The following RFC3 variants were observed in gnomAD, a reference collection of about 807,000 sequenced individuals.
RFC3 encodes replication factor C subunit 3.
RFC3 carries 41 observed loss-of-function variants against 45.1 expected under a neutral mutation model. That is an observed-to-expected ratio of 0.91 (90% CI 0.71 to 1.18). The LOEUF is 1.18. RFC3 is among the 50% of genes most tolerant of loss of function. RFC3 has a pLI of 0.00. For synonymous variants in RFC3, 149 were observed against 144.0 expected, an observed-to-expected ratio of 1.03 and a Z score of -0.25; for missense variants, 423 against 428.1, an observed-to-expected ratio of 0.99 and a Z score of 0.10.
chr13:33,901,016 A>G (rs1396687809), intron 8 of RFC3, among the ~76,000 whole-genome samples: 1 of 151,950 alleles, frequency 6.6e-6, no homozygotes, highest in Non-Finnish European at 1.5e-5. Context: ...TTCAATTAAA[A>G]TGAATTTTAT....
At chr13:33,911,281 CAG>C (rs1164880677) in intron 8 of RFC3, among the ~76,000 whole-genome samples, 1 of 152,016 alleles carries the variant, frequency 6.6e-6, no homozygotes, top group East Asian at 1.9e-4. Flanking sequence ...ATCACCAGTG[CAG>C]AGTCAAGTGG....
At chr13:33,920,449 A>C (rs1481132115) in intron 8 of RFC3, among the ~76,000 whole-genome samples, 78 of 132,156 alleles carry the variant, frequency 5.9e-4, no homozygotes, top group African/African-American at 2.3e-3. Context: ...TTTTTTTGCA[A>C]CAAGGTCCTC....
chr13:33,890,466 G>A (rs754712556), intron 8 of RFC3, among the ~76,000 whole-genome samples: 14 of 152,096 alleles, frequency 9.2e-5, no homozygotes, highest in African/African-American at 2.4e-5. Context: ...CCTCACAATG[G>A]TGATTTGGAT....
the RFC3 span, among the ~76,000 whole-genome samples, chr13:33,973,099 C>T: frequency 1.3e-5 from 2 of 152,112 alleles, no homozygotes; most frequent in Admixed American, 1.3e-4. Flanking sequence ...TCCTTGCTGT[C>T]TCATAAAAGA....
At chr13:33,931,743 C>CTCCT (rs1325997319) in intron 8 of RFC3, among the ~76,000 whole-genome samples, 1 of 151,956 alleles carries the variant, frequency 6.6e-6, no homozygotes, top group Non-Finnish European at 1.5e-5. Flanking sequence ...ATGGAAAGTC[C>CTCCT]TCCTCCCTTT....
At chr13:33,915,997 C>G (rs1047964011) in intron 8 of RFC3, among the ~76,000 whole-genome samples, 6 of 152,110 alleles carry the variant, frequency 3.9e-5, no homozygotes, top group Non-Finnish European at 8.8e-5. Context: ...GGGGGTTTTG[C>G]CATGTTGGCC....
rs1240956465 is a variant in RFC3, at chr13:33,933,884, AATTTAATGTGAGAGTAACAGGAGACTGC to A, written c.880-32201_880-32174del. ...CTACGTTAAATTAAGAGAAATATGT[AATTTAATGTGAGAGTAACAGGAGACTGC>A]AGGATTGGGGGAGGGAGATGAATGG... On this transcript the variant is annotated intron_variant, in intron 8 of 8. Coordinates refer to the RFC3 transcript ENST00000434425. Among the ~76,000 whole-genome samples the A allele has an allele frequency of 3.3e-5, 5 of 152,128 alleles. No homozygotes were observed. In the East Asian group the frequency reaches 9.7e-4, roughly 29 times the overall value.
Position 33,849,867 on chromosome 13 carries a change from ACT to A in RFC3, c.879+14653_879+14654del, listed in dbSNP as rs1415513906. 7 of 151,918 alleles carry A rather than the reference ACT, an allele frequency of 4.6e-5. No individual in the cohort carries two copies. In the South Asian group the frequency reaches 8.3e-4, roughly 18 times the overall value. The allele number at this position is 151,918 out of a possible 1,614,324, so 9.4% of individuals were successfully genotyped here. ...ACTCCAGCCTGGACTACAGAGTAAG[ACT>A]CTGTCTCAAAAAAAAACAAACCAAC... On this transcript the variant is annotated intron_variant, in intron 8 of 8. Transcript: ENST00000434425.
intron 3 of RFC3, among the ~76,000 whole-genome samples, chr13:33,824,988 G>A (rs1338232009): frequency 6.6e-6 from 1 of 152,124 alleles, no homozygotes; most frequent in Admixed American, 6.5e-5. Context: ...TATAATAATA[G>A]TAGTGACTTG....
At chr13:33,876,240 G>A (rs145838432) in intron 8 of RFC3, among the ~76,000 whole-genome samples, 45 of 152,314 alleles carry the variant, frequency 3.0e-4, no homozygotes, top group Non-Finnish European at 4.9e-4. Context: ...TAGCTCCCAG[G>A]TGATACAGCT....
At chr13:33,833,021 C>A (rs948376519) in intron 7 of RFC3, among the ~76,000 whole-genome samples, 6 of 152,162 alleles carry the variant, frequency 3.9e-5, no homozygotes, top group Admixed American at 2.6e-4. Context: ...GGAAGCGGTG[C>A]TCCTGTTTCC....
intron 8 of RFC3, among the ~76,000 whole-genome samples, chr13:33,898,391 C>T (rs568357947): frequency 4.2e-4 from 64 of 151,970 alleles, no homozygotes; most frequent in Admixed American, 1.1e-3. Context: ...CATTAAACAA[C>T]ATGCTCCTGA....
chr13:33,928,111 CG>C (rs1441062125), intron 8 of RFC3, among the ~76,000 whole-genome samples: 1 of 151,914 alleles, frequency 6.6e-6, no homozygotes, highest in African/African-American at 2.4e-5. Context: ...AAATTTCCAC[CG>C]CAGTGAAGTG....
At chr13:33,850,351 A>G (rs1489253226) in intron 8 of RFC3, 1 of 152,162 alleles carries the variant, frequency 6.6e-6, no homozygotes, top group Non-Finnish European at 1.5e-5. Flanking sequence ...GTATTTCTTT[A>G]TAGATGTAAA....
In RFC3 at chr13:33,832,359, C is replaced by T. The variant is rs116474445; in HGVS notation, c.809+1005C>T. Among the ~76,000 whole-genome samples the T allele has an allele frequency of 9.0e-3, 1,373 of 152,208 alleles. 14 individuals are homozygous for T. Among genetic ancestry groups the T allele is most frequent in the African/African-American group, 0.032 (1,322 of 41,536 alleles). On this transcript the variant is annotated intron_variant, in intron 7 of 8. Coordinates refer to ENST00000380071, the MANE Select transcript of RFC3 (RefSeq NM_002915.4). ...ACTGCAGCCAATAGAGCTTACTCTT[C>T]CTTGGTCTAATGAAAATAATAGAGG...
rs2082155999 is a variant in RFC3, at chr13:33,836,462, T to C, written c.*167T>C. ...ATCATCCTCTGAGTTAAATAATTGC[T>C]CCTATACTATTGAAGTATGTAGTTT... is the stretch of plus-strand genomic sequence containing the variant. On this transcript the variant is annotated 3_prime_UTR_variant, in exon 9 of 9. Coordinates refer to ENST00000380071, the MANE Select transcript of RFC3 (RefSeq NM_002915.4). The C allele has an allele frequency of 7.1e-7, 1 of 1,410,572 alleles. No individual in the cohort carries two copies. The highest frequency in any genetic ancestry group is 9.2e-7 in the Non-Finnish European group (1 of 1,083,120). The allele number at this position is 1,410,572 out of a possible 1,614,324, so 87.4% of individuals were successfully genotyped here.
chr13:33,914,464 G>C (rs919086849), intron 8 of RFC3, among the ~76,000 whole-genome samples: 1 of 152,082 alleles, frequency 6.6e-6, no homozygotes, highest in African/African-American at 2.4e-5. Flanking sequence ...TGGGCACCCT[G>C]TGTACACACA....
downstream of RFC3, among the ~76,000 whole-genome samples, chr13:33,971,198 A>G (rs889182929): frequency 2.6e-5 from 4 of 152,242 alleles, no homozygotes; most frequent in Non-Finnish European, 4.4e-5. Flanking sequence ...CTCTTTTGCG[A>G]TCATTTCAGT....
chr13:33,938,208 A>AAAAAAAAAAAAAAAAAAAAAAAT (rs2082900461), intron 8 of RFC3, among the ~76,000 whole-genome samples: 1 of 147,070 alleles, frequency 6.8e-6, no homozygotes, highest in African/African-American at 2.5e-5. Flanking sequence ...AAAAAAAAAA[A>AAAAAAAAAAAAAAAAAAAAAAAT]GTAAGAGTTG....
Sources: allele counts gnomAD v4.1 joint callset (sites outside exome capture counted in the v4.1 genomes callset), GRCh38; gene constraint gnomAD v4.1.1; transcripts MANE v1.5; gene names NCBI Gene and HGNC (gene_info 2026-07-23, HGNC 2026-07-21).